Variants in CMIP observed in about 807,000 individuals in gnomAD.
CMIP encodes c-Maf inducing protein.
Under a neutral mutation model 97.3 loss-of-function variants are expected in CMIP, and 13 were observed. The observed-to-expected ratio is 0.13, with a 90% confidence interval of 0.09 to 0.21. The LOEUF is 0.21. CMIP is among the 10% of genes least tolerant of loss of function. CMIP has a pLI of 1.00. For missense variants in CMIP, 847 were observed against 1,024.9 expected, an observed-to-expected ratio of 0.83 and a Z score of 2.37; for synonymous variants, 538 against 436.3, an observed-to-expected ratio of 1.23 and a Z score of -2.91.
chr16:81,570,545 G>A (rs755787251), intron 1 of CMIP, among the ~76,000 whole-genome samples: 6 of 152,128 alleles, frequency 3.9e-5, no homozygotes, highest in Non-Finnish European at 7.4e-5. Flanking sequence ...AGGTGGAAAC[G>A]CCAGGGAGCC....
intron 6 of CMIP, 110 bp downstream of exon 6, chr16:81,661,056 T>G: frequency 2.3e-6 from 3 of 1,321,252 alleles, no homozygotes; most frequent in Non-Finnish European, 3.3e-6. Flanking sequence ...CCCACCGTCT[T>G]GGGTCACGGT....
At chr16:81,492,321 A>G (rs1369247529) in intron 1 of CMIP, among the ~76,000 whole-genome samples, 2 of 152,186 alleles carry the variant, frequency 1.3e-5, no homozygotes, top group East Asian at 3.8e-4. Flanking sequence ...CACGTGTTGA[A>G]AATGGTGCAG....
At chr16:81,664,608 C>G in intron 7 of CMIP, 3 of 585,436 alleles carry the variant, frequency 5.1e-6, no homozygotes, top group Non-Finnish European at 9.1e-6. Context: ...AGGAAAGCCT[C>G]CCGGGAAGAA....
intron 2 of CMIP, among the ~76,000 whole-genome samples, chr16:81,609,498 C>T (rs531775395): frequency 6.6e-6 from 1 of 152,372 alleles, no homozygotes; most frequent in Admixed American, 6.5e-5. Context: ...AGCCTCTCCC[C>T]TGTGCTCGGG....
intron 3 of CMIP, among the ~76,000 whole-genome samples, chr16:81,626,160 G>T (rs2092057951): frequency 6.6e-6 from 1 of 152,220 alleles, no homozygotes; most frequent in Admixed American, 6.5e-5. Context: ...TCCCTCCTCT[G>T]TGGAGAAAGG....
chr16:81,603,600 C>A (rs182420282), intron 1 of CMIP, among the ~76,000 whole-genome samples: 1 of 152,268 alleles, frequency 6.6e-6, no homozygotes, highest in East Asian at 1.9e-4. Flanking sequence ...TCCGTGATGT[C>A]CTTTTTCTGT....
chr16:81,526,235 C>G (rs1252117078), intron 1 of CMIP, among the ~76,000 whole-genome samples: 1 of 152,168 alleles, frequency 6.6e-6, no homozygotes, highest in Non-Finnish European at 1.5e-5. Flanking sequence ...AATTCTCAAC[C>G]TTGGGTCCTT....
chr16:81,689,888 C>T (rs1205951031), intron 10 of CMIP, among the ~76,000 whole-genome samples: 1 of 152,160 alleles, frequency 6.6e-6, no homozygotes, highest in Non-Finnish European at 1.5e-5. Flanking sequence ...GCCAGTTTTC[C>T]CAGCACCATT....
chr16:81,625,051 A>G (rs996639062), intron 3 of CMIP, among the ~76,000 whole-genome samples: 4 of 152,134 alleles, frequency 2.6e-5, no homozygotes, highest in Non-Finnish European at 4.4e-5. Context: ...TGTAGAGAGG[A>G]TAAGTCAGTC....
intron 1 of CMIP, among the ~76,000 whole-genome samples, chr16:81,497,034 C>T (rs769541261): frequency 1.3e-5 from 2 of 152,168 alleles, no homozygotes; most frequent in African/African-American, 4.8e-5. Flanking sequence ...AAGGGGTGTC[C>T]GGGCTGTGGG....
At chr16:81,471,088 C>G (rs565001491) in intron 1 of CMIP, among the ~76,000 whole-genome samples, 2 of 152,234 alleles carry the variant, frequency 1.3e-5, no homozygotes, top group African/African-American at 4.8e-5. Context: ...CATGCACACA[C>G]ACGTACACAT....
chr16:81,601,194 G>T (rs533840792), intron 1 of CMIP, among the ~76,000 whole-genome samples: 1 of 152,246 alleles, frequency 6.6e-6, no homozygotes, highest in Non-Finnish European at 1.5e-5. Flanking sequence ...GCTCATGGGA[G>T]GATTTTCCAG....
At chr16:81,660,510 A>T (rs1567641153) in intron 5 of CMIP, among the ~76,000 whole-genome samples, 1 of 152,124 alleles carries the variant, frequency 6.6e-6, no homozygotes, top group African/African-American at 2.4e-5. Flanking sequence ...CCTGACCTCA[A>T]GTGATCTACC....
At chr16:81,515,597 G>C (rs2150797305) in intron 1 of CMIP, among the ~76,000 whole-genome samples, 1 of 152,314 alleles carries the variant, frequency 6.6e-6, no homozygotes, top group African/African-American at 2.4e-5. Context: ...AAATCACAGG[G>C]CTGGAGGGGC....
intron 20 of CMIP, among the ~76,000 whole-genome samples, 178 bp from the exon 21 acceptor site, chr16:81,709,568 C>G (rs944581337): frequency 9.2e-5 from 14 of 152,234 alleles, no homozygotes; most frequent in Non-Finnish European, 1.9e-4. Context: ...GCACATCCCA[C>G]CTGCTCTGTT....
rs2091876281 is a variant in CMIP at position 81,614,216 on chromosome 16, G to C, written c.426+6524G>C. ...TGTTCCTGGTGGGGGAGTACACGCTGCATGGAAGCCAGTCTGAGAGCAGGG... is the reference window on the plus strand; with the variant it reads ...TGTTCCTGGTGGGGGAGTACACGCTCCATGGAAGCCAGTCTGAGAGCAGGG... On this transcript the variant is annotated intron_variant, in intron 2 of 20. Transcript: ENST00000537098. The surrounding 1 kb of genome is among the most constrained non-coding windows in gnomAD (Gnocchi z 5.3). Among the ~76,000 whole-genome samples, 1 of 152,204 alleles carries C rather than the reference G, an allele frequency of 6.6e-6. No individual in the cohort carries two copies. The highest frequency in any genetic ancestry group is 2.1e-4 in the South Asian group (1 of 4,828).
At chr16:81,578,010 A>G (rs1448347966) in intron 1 of CMIP, among the ~76,000 whole-genome samples, 1 of 151,544 alleles carries the variant, frequency 6.6e-6, no homozygotes, top group Non-Finnish European at 1.5e-5. Flanking sequence ...CATCACCTTC[A>G]TCACCACCAT....
chr16:81,653,713 A>G (rs555483645), intron 4 of CMIP, among the ~76,000 whole-genome samples: 64 of 152,306 alleles, frequency 4.2e-4, no homozygotes, highest in East Asian at 1.9e-3. Flanking sequence ...CCTGGGTTCA[A>G]GCCGTTCTCC....
chr16:81,498,781 C>A (rs1334590617), intron 1 of CMIP, among the ~76,000 whole-genome samples: 2 of 152,346 alleles, frequency 1.3e-5, no homozygotes, highest in East Asian at 3.9e-4. Context: ...ACACACCTCC[C>A]TCTTGCACAT....
Sources: gnomAD v4.1 joint callset for allele counts (sites outside exome capture counted in the v4.1 genomes callset) on GRCh38, gnomAD v4.1.1 for gene constraint, Gnocchi (gnomAD v3.1) non-coding constraint, MANE v1.5 for transcripts, NCBI Gene and HGNC (gene_info 2026-07-23, HGNC 2026-07-21) for gene names.